ZHX2: variants seen among roughly 807,000 people sequenced by gnomAD.
ZHX2 encodes the protein zinc fingers and homeoboxes 2.
A neutral mutation model predicts 21.9 loss-of-function variants in ZHX2; 6 were observed. The observed-to-expected ratio is 0.27, with a 90% CI of 0.15 to 0.54. The LOEUF (loss-of-function observed/expected upper bound fraction) is 0.54, where lower values mean the gene tolerates loss of function less well. Among genes scored for constraint, ZHX2 ranks in the 20% least tolerant of loss-of-function variants. ZHX2 has a pLI of 0.95. For missense variants in ZHX2, 908 were observed against 1,090.7 expected (o/e 0.83, Z 2.36); for synonymous variants, 434 against 437.1 (o/e 0.99, Z 0.09).
At chr8:122,901,367 A>G (rs1359400906) in intron 2 of ZHX2, among the ~76,000 whole-genome samples, 1 of 152,172 alleles carries the variant, frequency 6.6e-6, no homozygotes, top group Non-Finnish European at 1.5e-5. Context: ...ACTCTCCCCA[A>G]GAGAATCTGC....
At chr8:122,851,636 TCAA>T (rs1486511713) in intron 1 of ZHX2, among the ~76,000 whole-genome samples, 1 of 152,238 alleles carries the variant, frequency 6.6e-6, no homozygotes, top group Non-Finnish European at 1.5e-5. Flanking sequence ...AGCCACATCA[TCAA>T]CATTTCCTGG....
At chr8:122,856,163 G>T (rs1819017269) in intron 1 of ZHX2, among the ~76,000 whole-genome samples, 1 of 152,150 alleles carries the variant, frequency 6.6e-6, no homozygotes. Context: ...TTTGTTTCTG[G>T]ACTCAAAGCT....
At chr8:122,925,768 C>T (rs1359926775) in intron 2 of ZHX2, among the ~76,000 whole-genome samples, 1 of 152,108 alleles carries the variant, frequency 6.6e-6, no homozygotes, top group African/African-American at 2.4e-5. Flanking sequence ...CTAAGCAGGG[C>T]TTTGAAGACG....
In ZHX2 at chr8:122,971,655, C is replaced by T. The variant is rs1027887368; in HGVS notation, c.*5-1587C>T. Among the ~76,000 whole-genome samples the T allele has an allele frequency of 3.5e-5, 5 of 142,316 alleles. No individual in the cohort carries two copies. The South Asian group carries it at 9.2e-4, about 26-fold the overall frequency. The allele number at this position is 142,316 out of a possible 152,430, so 93.4% of individuals were successfully genotyped here. ...AAATTCCTTCTCAGGGCTTTCTCAG[C>T]CAAACAGCCTTACCAGGAGGGAGGC... On this transcript the variant is annotated intron_variant, in intron 3 of 3. Coordinates refer to ENST00000314393, the MANE Select transcript of ZHX2 (RefSeq NM_014943.5).
chr8:122,796,629 C>A (rs76995849), intron 1 of ZHX2, among the ~76,000 whole-genome samples: 2,270 of 152,192 alleles, frequency 0.015, 56 homozygotes, highest in African/African-American at 0.052. Flanking sequence ...GAAACGCTGT[C>A]CTGAAAATAA....
At chr8:122,874,844 A>C (rs4498547) in intron 2 of ZHX2, among the ~76,000 whole-genome samples, 1 of 151,774 alleles carries the variant, frequency 6.6e-6, no homozygotes, top group Non-Finnish European at 1.5e-5. Context: ...AAATGGAGAT[A>C]CTTTTCTACA....
At chr8:122,961,159 G>A (rs2130339275) in intron 3 of ZHX2, among the ~76,000 whole-genome samples, 1 of 152,312 alleles carries the variant, frequency 6.6e-6, no homozygotes, top group South Asian at 2.1e-4. Flanking sequence ...GTTAGTTTCT[G>A]GTGAGGCCTC....
chr8:122,969,219 G>C (rs1172385593), intron 3 of ZHX2, among the ~76,000 whole-genome samples: 3 of 152,050 alleles, frequency 2.0e-5, no homozygotes, highest in Non-Finnish European at 4.4e-5. Flanking sequence ...ACAGTGGAGT[G>C]ATGTTGACCA....
At chr8:122,970,400 TG>T (rs1000058693) in intron 3 of ZHX2, among the ~76,000 whole-genome samples, 2 of 152,140 alleles carry the variant, frequency 1.3e-5, no homozygotes, top group Non-Finnish European at 2.9e-5. Context: ...AGGGAGCGGA[TG>T]GGGGGGTCAG....
intron 2 of ZHX2, among the ~76,000 whole-genome samples, chr8:122,887,331 T>C (rs774489649): frequency 2.0e-5 from 3 of 150,900 alleles, no homozygotes; most frequent in Non-Finnish European, 4.4e-5. Context: ...CTGGCCAACA[T>C]GGTAAAACCC....
intron 1 of ZHX2, among the ~76,000 whole-genome samples, chr8:122,847,937 C>T (rs1187426455): frequency 6.6e-6 from 1 of 152,186 alleles, no homozygotes; most frequent in Non-Finnish European, 1.5e-5. Flanking sequence ...CTTTACTCTT[C>T]ACATCATAGT....
intron 2 of ZHX2, among the ~76,000 whole-genome samples, chr8:122,931,719 T>C (rs1669577728): frequency 6.6e-6 from 1 of 152,182 alleles, no homozygotes; most frequent in Non-Finnish European, 1.5e-5. Context: ...TACCTGGCCC[T>C]ACCCCAAGAT....
intron 1 of ZHX2, among the ~76,000 whole-genome samples, chr8:122,798,998 C>T (rs1193384841): frequency 6.6e-6 from 1 of 152,022 alleles, no homozygotes; most frequent in East Asian, 1.9e-4. Context: ...CAATGGAGGC[C>T]CTCTCTAGGC....
intron 1 of ZHX2, chr8:122,811,897 G>T (rs1356372165): frequency 6.6e-6 from 1 of 152,166 alleles, no homozygotes; most frequent in African/African-American, 2.4e-5. Context: ...ACTATCTATT[G>T]ATCACCTGTT....
intron 1 of ZHX2, among the ~76,000 whole-genome samples, chr8:122,783,274 T>A (rs1817329000): frequency 6.6e-6 from 1 of 152,136 alleles, no homozygotes; most frequent in Admixed American, 6.5e-5. Context: ...CCCTCCCCTT[T>A]TAAAGAGTGG....
chr8:122,791,919 T>C (rs1219338553), intron 1 of ZHX2, among the ~76,000 whole-genome samples: 1 of 152,046 alleles, frequency 6.6e-6, no homozygotes, highest in Non-Finnish European at 1.5e-5. Flanking sequence ...TGTGCAATGC[T>C]GTGCCATAGG....
chr8:122,816,963 T>C (rs369262806), intron 1 of ZHX2, among the ~76,000 whole-genome samples: 1 of 151,402 alleles, frequency 6.6e-6, no homozygotes, highest in East Asian at 1.9e-4. Context: ...TCCTTCCCTC[T>C]GGTGGCTTTT....
rs535529979 is a variant in ZHX2, at chr8:122,865,241, G to T, written c.-220+1702G>T. ...CCTCCCAGGTTCATGCCATTCTCCTGCCTCAGCCTCCCGAGTAGCTGGGAC... is the reference window on the plus strand; with the variant it reads ...CCTCCCAGGTTCATGCCATTCTCCTTCCTCAGCCTCCCGAGTAGCTGGGAC... On this transcript the variant is annotated intron_variant, in intron 2 of 3. Transcript: ENST00000314393. Among the ~76,000 whole-genome samples, 29 of 151,744 alleles carry T rather than the reference G, an allele frequency of 1.9e-4. No individual in the cohort carries two copies. In the South Asian group the frequency reaches 5.4e-3, roughly 28 times the overall value.
At chr8:122,887,505 G>A (rs923889784) in intron 2 of ZHX2, among the ~76,000 whole-genome samples, 9 of 151,932 alleles carry the variant, frequency 5.9e-5, no homozygotes, top group South Asian at 2.1e-4. Context: ...GTGACAGAGC[G>A]AGACTCCATT....
Sources: gnomAD v4.1 joint callset for allele counts (sites outside exome capture counted in the v4.1 genomes callset) on GRCh38, gnomAD v4.1.1 for gene constraint, MANE v1.5 for transcripts, NCBI Gene and HGNC (gene_info 2026-07-23, HGNC 2026-07-21) for gene names.